The following ELOVL6 variants were observed in gnomAD, a reference collection of about 807,000 sequenced individuals.
ELOVL6 encodes the protein very long chain fatty acid elongase 6.
In ELOVL6, 8 loss-of-function variants were observed where a neutral mutation model predicts 31.7. The observed-to-expected ratio is 0.25, with a 90% CI of 0.15 to 0.45. ELOVL6 has a LOEUF of 0.45. Ranked by LOEUF, ELOVL6 falls within the 20% of genes least tolerant of loss-of-function variation. The probability of loss-of-function intolerance (pLI) is 1.00; values close to 1 mark genes in which losing one functional copy is unlikely to be tolerated. For synonymous variants in ELOVL6, 101 were observed against 117.7 expected (o/e 0.86, Z 0.92); for missense variants, 126 against 326.4 (o/e 0.39, Z 4.73).
chr4:110,084,209 A>ATC lies in ELOVL6; in HGVS notation c.221+21287_221+21288insGA, dbSNP rs1560814552. On this transcript the variant is annotated intron_variant, in intron 2 of 3. Transcript: ENST00000302274. ...AACATATAACTTATATGATATATATAACATATAACTTATATGATATATATA... is the reference window on the plus strand; with the variant it reads ...AACATATAACTTATATGATATATATATCACATATAACTTATATGATATATATA... Among the ~76,000 whole-genome samples, 265 of 69,792 alleles carry ATC rather than the reference A, an allele frequency of 3.8e-3. 32 individuals carry two copies. The highest frequency in any genetic ancestry group is 0.021 in the African/African-American group (256 of 12,070). The allele number at this position is 69,792 out of a possible 152,430, so 45.8% of individuals were successfully genotyped here.
intron 2 of ELOVL6, among the ~76,000 whole-genome samples, chr4:110,085,491 A>T (rs1756234337): frequency 6.6e-6 from 1 of 152,192 alleles, no homozygotes; most frequent in Non-Finnish European, 1.5e-5. Context: ...TCACAGTGTG[A>T]TACCTGTCTG....
chr4:110,114,989 T>C (rs370860280), intron 1 of ELOVL6, among the ~76,000 whole-genome samples: 8 of 152,284 alleles, frequency 5.3e-5, no homozygotes, highest in African/African-American at 1.7e-4. Context: ...ATTTCTGTTG[T>C]AGGTTACCAC....
chr4:110,159,872 C>T (rs78455832), intron 1 of ELOVL6, among the ~76,000 whole-genome samples: 6,723 of 151,908 alleles, frequency 0.044, 215 homozygotes, highest in South Asian at 0.11. Context: ...TTATTTTTTC[C>T]GTTATGAGTA....
At chr4:110,133,724 A>C (rs985326123) in intron 1 of ELOVL6, among the ~76,000 whole-genome samples, 5 of 152,248 alleles carry the variant, frequency 3.3e-5, no homozygotes, top group African/African-American at 4.8e-5. Context: ...TGTCCAAAGA[A>C]GAAAATTAAG....
rs1163111017 is a variant in ELOVL6, at chr4:110,051,483, C to G, written c.653G>C (p.Cys218Ser). Residue 218 changes from cysteine (C) to serine (S), a missense_variant, in exon 4 of 4, where the codon TGC (cysteine) becomes TCC (serine). Transcript: ENST00000302274. This position sits in a 1 kb window ranked among gnomAD's most constrained non-coding sequence, Gnocchi z 4.8. ...GTGACACTGGTCATGCTGCATCCAG[C>G]AGAAGACCAGGTAGTTAACCACACA... ...MGCVVNYLVFCWMQHDQCHSH... is the reference protein window; with the variant it reads ...MGCVVNYLVFSWMQHDQCHSH... 6.2e-7 allele frequency: 1 copy of G among 1,614,202 alleles called. No homozygotes were observed. The highest frequency in any genetic ancestry group is 1.1e-5 in the South Asian group (1 of 91,080).
chr4:110,084,588 A>ATTTTTTTT (rs1168880044), intron 2 of ELOVL6, among the ~76,000 whole-genome samples: 4 of 29,660 alleles, frequency 1.3e-4, no homozygotes, highest in African/African-American at 6.5e-4. Context: ...ATATATATAT[A>ATTTTTTTT]TTTTTTTTTT....
intron 1 of ELOVL6, among the ~76,000 whole-genome samples, chr4:110,177,014 G>A (rs1431743006): frequency 6.6e-6 from 1 of 152,224 alleles, no homozygotes; most frequent in Non-Finnish European, 1.5e-5. Context: ...GATTACAGGC[G>A]TGAGCCACCA....
At chr4:110,116,515 A>T (rs1236632014) in intron 1 of ELOVL6, among the ~76,000 whole-genome samples, 1 of 152,246 alleles carries the variant, frequency 6.6e-6, no homozygotes, top group Non-Finnish European at 1.5e-5. Context: ...GACTTACTGT[A>T]TCCTTTACAA....
chr4:110,141,808 TAATAC>T (rs1031874418), intron 1 of ELOVL6, among the ~76,000 whole-genome samples: 19 of 144,428 alleles, frequency 1.3e-4, no homozygotes, highest in African/African-American at 2.5e-4. Flanking sequence ...TACAATGTAC[TAATAC>T]AATACAATAC....
intron 2 of ELOVL6, among the ~76,000 whole-genome samples, chr4:110,093,545 T>C (rs1346084163): frequency 6.6e-6 from 1 of 152,230 alleles, no homozygotes; most frequent in African/African-American, 2.4e-5. Context: ...TGTTATTTTC[T>C]TGGAAATAGG....
intron 1 of ELOVL6, among the ~76,000 whole-genome samples, chr4:110,140,843 T>C (rs1757932126): frequency 6.6e-6 from 1 of 151,930 alleles, no homozygotes; most frequent in African/African-American, 2.4e-5. Context: ...ATATTGTGCA[T>C]ATTCTTTTAT....
intron 2 of ELOVL6, among the ~76,000 whole-genome samples, chr4:110,084,458 T>TATATC (rs1756150378): frequency 8.1e-6 from 1 of 123,372 alleles, no homozygotes; most frequent in East Asian, 2.2e-4. Flanking sequence ...GCATATATCA[T>TATATC]ATATGATATA....
At chr4:110,055,586 C>G (rs1489170557) in intron 3 of ELOVL6, among the ~76,000 whole-genome samples, 1 of 152,140 alleles carries the variant, frequency 6.6e-6, no homozygotes, top group East Asian at 1.9e-4. Context: ...GGAAAAGCAA[C>G]AAGCATTTGG....
At chr4:110,112,208 T>A (rs1757052830) in intron 1 of ELOVL6, among the ~76,000 whole-genome samples, 1 of 152,194 alleles carries the variant, frequency 6.6e-6, no homozygotes, top group African/African-American at 2.4e-5. Context: ...ATTATTTCTA[T>A]CCCTGAGGGC....
chr4:110,104,797 T>A (rs1756840718), intron 2 of ELOVL6, among the ~76,000 whole-genome samples: 1 of 152,152 alleles, frequency 6.6e-6, no homozygotes. Context: ...AGTCTTGTGA[T>A]TGCCTAGATC....
At chr4:110,196,831 A>G (rs1759809556) in intron 1 of ELOVL6, among the ~76,000 whole-genome samples, 1 of 151,956 alleles carries the variant, frequency 6.6e-6, no homozygotes, top group Non-Finnish European at 1.5e-5. Flanking sequence ...GCAAATGGCC[A>G]TTGGGGCCCG....
At chr4:110,172,077 G>T (rs889162664) in intron 1 of ELOVL6, among the ~76,000 whole-genome samples, 2 of 152,082 alleles carry the variant, frequency 1.3e-5, no homozygotes, top group African/African-American at 4.8e-5. Context: ...AAAGTCATGA[G>T]AATCCCAACT....
At chr4:110,126,428 C>T (rs1341932720) in intron 1 of ELOVL6, among the ~76,000 whole-genome samples, 2 of 152,118 alleles carry the variant, frequency 1.3e-5, no homozygotes, top group East Asian at 1.9e-4. Context: ...AAATCAGTAA[C>T]TCAATTTTGC....
intron 1 of ELOVL6, among the ~76,000 whole-genome samples, chr4:110,127,679 G>A (rs981803730): frequency 6.6e-6 from 1 of 152,032 alleles, no homozygotes; most frequent in Admixed American, 6.6e-5. Flanking sequence ...AAGCCTTTTG[G>A]TTTATGGTAC....
Sources: gnomAD v4.1 joint callset for allele counts (sites outside exome capture counted in the v4.1 genomes callset) on GRCh38, gnomAD v4.1.1 for gene constraint, Gnocchi (gnomAD v3.1) non-coding constraint, MANE v1.5 for transcripts, NCBI Gene and HGNC (gene_info 2026-07-23, HGNC 2026-07-21) for gene names.